TMED10: variants seen among roughly 807,000 people sequenced by gnomAD.
TMED10 encodes transmembrane emp24 domain-containing protein 10.
A neutral mutation model predicts 23.1 loss-of-function variants in TMED10; 7 were observed. The observed-to-expected ratio is 0.30, with a 90% CI of 0.17 to 0.57. TMED10 has a LOEUF of 0.57. TMED10 is among the 20% of genes least tolerant of loss of function. The pLI, the probability that TMED10 is intolerant of heterozygous loss-of-function variation, is 0.91. For synonymous variants in TMED10, 113 were observed against 106.9 expected, an observed-to-expected ratio of 1.06 and a Z score of -0.35; for missense variants, 162 against 274.8, an observed-to-expected ratio of 0.59 and a Z score of 2.90.
At chr14:75,149,270 T>C (rs1227488110) in intron 2 of TMED10, among the ~76,000 whole-genome samples, 1 of 152,218 alleles carries the variant, frequency 6.6e-6, no homozygotes, top group Non-Finnish European at 1.5e-5. Flanking sequence ...CCCTCATCAA[T>C]AGATTTAATG....
chr14:75,133,643 C>T lies in TMED10; in HGVS notation c.*1242G>A. Reference sequence around the variant, plus strand: ...TGTTTACCATACAACCCAACAGTTGCCCTTTTGAGCATTTATCCCAGAAAA... The same window carrying T: ...TGTTTACCATACAACCCAACAGTTGTCCTTTTGAGCATTTATCCCAGAAAA... On this transcript the variant is annotated 3_prime_UTR_variant, in exon 5 of 5. Transcript: ENST00000303575. 1 of 155,624 alleles carries T rather than the reference C, an allele frequency of 6.4e-6. No homozygotes were observed. The highest frequency in any genetic ancestry group is 1.4e-5 in the Non-Finnish European group (1 of 69,842). 9.6% of individuals were successfully genotyped at this position (155,624 alleles called of 1,614,324 possible).
At chr14:75,146,095 GTCT>G (rs1263430903) in intron 3 of TMED10, among the ~76,000 whole-genome samples, 1 of 152,078 alleles carries the variant, frequency 6.6e-6, no homozygotes, top group Admixed American at 6.6e-5. Context: ...AAATAAAGAG[GTCT>G]TCTTGTTTTA....
At position 75,135,017 on chromosome 14, in the gene TMED10, AC is replaced by A. The variant is rs1895730830; in HGVS notation, c.539-12del. 1 of 1,613,770 alleles carries A rather than the reference AC, an allele frequency of 6.2e-7. No individual in the cohort carries two copies. Among genetic ancestry groups the A allele is most frequent in the Non-Finnish European group, 8.5e-7 (1 of 1,179,800 alleles). The stretch of plus-strand genomic sequence containing the variant: ...GAGTGTTTGTTGACTCTAAAAAAAA[AC>A]AAAAGCATTGTAAACATAATGAAGT... On this transcript the variant is annotated splice_polypyrimidine_tract_variant and intron_variant, in intron 4 of 4. Transcript: ENST00000303575.
At chr14:75,148,670 C>T (rs1895918014) in intron 2 of TMED10, among the ~76,000 whole-genome samples, 1 of 152,174 alleles carries the variant, frequency 6.6e-6, no homozygotes, top group Non-Finnish European at 1.5e-5. Flanking sequence ...GTTCCTGAAA[C>T]CATAAGCCAC....
chr14:75,160,016 A>G lies in TMED10; in HGVS notation c.226-7873T>C, dbSNP rs547514488. On this transcript the variant is annotated intron_variant, in intron 1 of 4. Transcript: ENST00000303575. ...GTGTGATGATGCTGGAAGTTCGCCCAAGGCCTCCACATGTCTACACTCCCT... is the reference window on the plus strand; with the variant it reads ...GTGTGATGATGCTGGAAGTTCGCCCGAGGCCTCCACATGTCTACACTCCCT... 2.6e-5 allele frequency among the ~76,000 whole-genome samples: 4 copies of G among 152,236 alleles called. No individual in the cohort carries two copies. In the East Asian group the frequency reaches 5.8e-4, roughly 22 times the overall value.
chr14:75,154,124 T>TCACG (rs1235577122), intron 1 of TMED10, among the ~76,000 whole-genome samples: 1 of 147,270 alleles, frequency 6.8e-6, no homozygotes, highest in Non-Finnish European at 1.5e-5. Context: ...GTGCAGTGGC[T>TCACG]CACGCACCTG....
intron 1 of TMED10, among the ~76,000 whole-genome samples, chr14:75,153,914 C>A (rs1232760281): frequency 6.6e-6 from 1 of 151,306 alleles, no homozygotes; most frequent in Non-Finnish European, 1.5e-5. Flanking sequence ...GAACTACAGG[C>A]ACCCACGACC....
intron 1 of TMED10, among the ~76,000 whole-genome samples, chr14:75,159,284 C>T (rs1481997022): frequency 6.6e-6 from 1 of 152,180 alleles, no homozygotes; most frequent in East Asian, 1.9e-4. Context: ...CAGATTTGCT[C>T]ATTGCATTGG....
intron 1 of TMED10, among the ~76,000 whole-genome samples, chr14:75,152,531 G>C (rs1171811763): frequency 6.6e-6 from 1 of 152,192 alleles, no homozygotes; most frequent in Non-Finnish European, 1.5e-5. Flanking sequence ...TATACAAGAG[G>C]GACAAAGATA....
chr14:75,159,856 T>C (rs1220515096), intron 1 of TMED10, among the ~76,000 whole-genome samples: 1 of 152,220 alleles, frequency 6.6e-6, no homozygotes, highest in Non-Finnish European at 1.5e-5. Context: ...GTCTCTTCTC[T>C]CTATGACATC....
chr14:75,165,250 GACA>G (rs1338919566), intron 1 of TMED10, among the ~76,000 whole-genome samples: 3 of 151,284 alleles, frequency 2.0e-5, no homozygotes, highest in African/African-American at 4.9e-5. Flanking sequence ...TTTTTTTTTA[GACA>G]GTCTCACGCT....
rs1412103966 is a variant in TMED10 at position 75,133,941 on chromosome 14, A to G, written c.*944T>C. On this transcript the variant is annotated 3_prime_UTR_variant, in exon 5 of 5. Transcript: ENST00000303575. ...AAAGGAAGAAACTATTCATACATGCAACAACTTGGATGGATTTCAAGGGAA... is the reference window on the plus strand; with the variant it reads ...AAAGGAAGAAACTATTCATACATGCGACAACTTGGATGGATTTCAAGGGAA... The G allele has an allele frequency of 3.6e-6, 1 of 280,770 alleles. No individual in the cohort carries two copies. Among genetic ancestry groups the G allele is most frequent in the East Asian group, 1.5e-4 (1 of 6,838 alleles). 17.4% of individuals were successfully genotyped at this position (280,770 alleles called of 1,614,324 possible). A position where few individuals can be genotyped will look rare whatever the true frequency, so the allele number is the denominator to read the frequency against.
chr14:75,146,440 T>C (rs1895883762), intron 3 of TMED10, among the ~76,000 whole-genome samples: 3 of 152,232 alleles, frequency 2.0e-5, no homozygotes, highest in Admixed American at 6.5e-5. Context: ...TTTACTTAGT[T>C]TGCATTCTTC....
At chr14:75,139,232 T>C in intron 3 of TMED10, 1 of 423,806 alleles carries the variant, frequency 2.4e-6, no homozygotes, top group Non-Finnish European at 4.7e-6. Context: ...AATGGCATAC[T>C]ACACACATTG....
At chr14:75,159,658 C>T (rs1385846719) in intron 1 of TMED10, among the ~76,000 whole-genome samples, 3 of 152,010 alleles carry the variant, frequency 2.0e-5, no homozygotes, top group Non-Finnish European at 2.9e-5. Flanking sequence ...CTTAAATGCA[C>T]GTCATAAAAT....
At chr14:75,150,080 A>G (rs1305509105) in intron 2 of TMED10, among the ~76,000 whole-genome samples, 1 of 152,206 alleles carries the variant, frequency 6.6e-6, no homozygotes, top group Non-Finnish European at 1.5e-5. Context: ...CCTGGGTGAC[A>G]GAGCAAGACT....
chr14:75,165,299 C>T (rs553724287), intron 1 of TMED10, among the ~76,000 whole-genome samples: 1 of 152,236 alleles, frequency 6.6e-6, no homozygotes, highest in South Asian at 2.1e-4. Context: ...ATGATCTTGG[C>T]TCACCACAAC....
chr14:75,170,783 AGAT>A (rs1896224053), intron 1 of TMED10, among the ~76,000 whole-genome samples: 1 of 152,260 alleles, frequency 6.6e-6, no homozygotes, highest in Admixed American at 6.5e-5. Flanking sequence ...TAGGATAATC[AGAT>A]GATATTAATT....
chr14:75,143,403 GA>G (rs1223860268), intron 3 of TMED10, among the ~76,000 whole-genome samples: 1 of 152,106 alleles, frequency 6.6e-6, no homozygotes, highest in African/African-American at 2.4e-5. Context: ...ACTGTACCAA[GA>G]AAAGGTATTA....
Sources: allele counts gnomAD v4.1 joint callset (sites outside exome capture counted in the v4.1 genomes callset), GRCh38; gene constraint gnomAD v4.1.1; transcripts MANE v1.5; gene names NCBI Gene and HGNC (gene_info 2026-07-23, HGNC 2026-07-21).